Variants in LARS2 observed in about 807,000 individuals in gnomAD.
LARS2 encodes leucine--tRNA ligase, mitochondrial.
LARS2 carries 81 observed loss-of-function variants against 116.6 expected under a neutral mutation model. The ratio of observed to expected loss-of-function variants is 0.69; its 90% CI spans 0.58 to 0.84. The LOEUF (loss-of-function observed/expected upper bound fraction) is 0.84, where lower values mean the gene tolerates loss of function less well. Among genes scored for constraint, LARS2 ranks in the 40% least tolerant of loss-of-function variants. LARS2 has a pLI of 0.00. For synonymous variants in LARS2, 396 were observed against 407.2 expected, an observed-to-expected ratio of 0.97 and a Z score of 0.33; for missense variants, 968 against 1,114.5, an observed-to-expected ratio of 0.87 and a Z score of 1.87.
At chr3:45,534,624 AAAG>A (rs1463272729) in intron 20 of LARS2, among the ~76,000 whole-genome samples, 1 of 152,198 alleles carries the variant, frequency 6.6e-6, no homozygotes, top group East Asian at 1.9e-4. Flanking sequence ...GCTGATTTTC[AAAG>A]AAGTTCTCCC....
chr3:45,500,370 C>T, intron 14 of LARS2, 72 bp from the exon 15 acceptor site: 2 of 1,419,942 alleles, frequency 1.4e-6, no homozygotes, highest in Non-Finnish European at 1.9e-6. Flanking sequence ...ATGCATATTA[C>T]AATAGGCCTG....
chr3:45,536,581 G>A (rs1023029007), intron 20 of LARS2, among the ~76,000 whole-genome samples: 1 of 152,242 alleles, frequency 6.6e-6, no homozygotes, highest in African/African-American at 2.4e-5. Context: ...CTGCTCCTGG[G>A]GAGTGAACTC....
intron 14 of LARS2, 109 bp downstream of exon 14, chr3:45,496,482 T>C: frequency 1.2e-6 from 1 of 817,658 alleles, no homozygotes. Context: ...GGGAAATGCC[T>C]GTGCAGATTA....
chr3:45,418,911 G>T (rs28477090), intron 5 of LARS2, among the ~76,000 whole-genome samples: 1 of 152,232 alleles, frequency 6.6e-6, no homozygotes, highest in Non-Finnish European at 1.5e-5. Context: ...GATAGTCATA[G>T]TTCCTATCTC....
chr3:45,480,235 T>C (rs375021457), intron 10 of LARS2, among the ~76,000 whole-genome samples: 3 of 152,362 alleles, frequency 2.0e-5, no homozygotes, highest in African/African-American at 7.2e-5. Context: ...TTTGGACTTC[T>C]CAGAACCTTT....
intron 6 of LARS2, among the ~76,000 whole-genome samples, chr3:45,437,472 G>A (rs997399221): frequency 6.6e-6 from 1 of 152,212 alleles, no homozygotes; most frequent in African/African-American, 2.4e-5. Flanking sequence ...GGCAAAGATG[G>A]AATTTGACAG....
intron 4 of LARS2, among the ~76,000 whole-genome samples, chr3:45,413,281 G>C (rs1201424337): frequency 6.6e-6 from 1 of 152,232 alleles, no homozygotes; most frequent in African/African-American, 2.4e-5. Context: ...AAGAGATGGA[G>C]GCTGAAATTG....
chr3:45,501,301 C>T (rs189597990), intron 15 of LARS2, among the ~76,000 whole-genome samples: 2 of 150,678 alleles, frequency 1.3e-5, no homozygotes, highest in Admixed American at 6.7e-5. Context: ...TAGCTAATAC[C>T]GATCCCAGAT....
chr3:45,430,322 A>G (rs561982572), intron 6 of LARS2, among the ~76,000 whole-genome samples: 12 of 142,422 alleles, frequency 8.4e-5, no homozygotes, highest in Non-Finnish European at 1.4e-4. Flanking sequence ...TCTGTCGCCC[A>G]GGCTGGAGTA....
At chr3:45,515,979 G>A (rs1700363881) in intron 16 of LARS2, 115 bp from the exon 17 acceptor site, 1 of 733,780 alleles carries the variant, frequency 1.4e-6, no homozygotes, top group South Asian at 1.9e-5. Flanking sequence ...GAATTAGTGT[G>A]ATTCTTCAAA....
At chr3:45,438,962 A>G (rs1698855680) in intron 6 of LARS2, among the ~76,000 whole-genome samples, 2 of 152,096 alleles carry the variant, frequency 1.3e-5, no homozygotes, top group African/African-American at 4.8e-5. Context: ...TAGATACAAG[A>G]AGGGCTAATT....
At chr3:45,413,331 A>G (rs1188115373) in intron 4 of LARS2, among the ~76,000 whole-genome samples, 2 of 152,256 alleles carry the variant, frequency 1.3e-5, no homozygotes, top group Non-Finnish European at 2.9e-5. Flanking sequence ...GTGAGATGCT[A>G]AAGATCAAGA....
intron 4 of LARS2, among the ~76,000 whole-genome samples, chr3:45,402,186 T>G (rs972989445): frequency 1.3e-5 from 2 of 152,186 alleles, no homozygotes; most frequent in African/African-American, 4.8e-5. Flanking sequence ...CCTGCCCCAT[T>G]GGCCTGTTAA....
intron 21 of LARS2, among the ~76,000 whole-genome samples, chr3:45,544,092 G>T (rs545808840): frequency 6.6e-6 from 1 of 152,330 alleles, no homozygotes; most frequent in South Asian, 2.1e-4. Context: ...CTGGGTTCTC[G>T]CTCCATGTGA....
chr3:45,512,212 C>T (rs997581253), intron 15 of LARS2, among the ~76,000 whole-genome samples: 6 of 152,204 alleles, frequency 3.9e-5, no homozygotes, highest in African/African-American at 1.4e-4. Context: ...TTGTGGGGAA[C>T]ATCACTGGAT....
At chr3:45,546,445 T>C (rs986914632) in intron 21 of LARS2, among the ~76,000 whole-genome samples, 3 of 152,222 alleles carry the variant, frequency 2.0e-5, no homozygotes, top group African/African-American at 7.2e-5. Flanking sequence ...GTCCTCTCCC[T>C]GTGACCTAGG....
At chr3:45,518,352 G>T (rs527516867) in intron 18 of LARS2, among the ~76,000 whole-genome samples, 1 of 152,294 alleles carries the variant, frequency 6.6e-6, no homozygotes, top group African/African-American at 2.4e-5. Context: ...TCAGGAAGCT[G>T]CCACTTTCCA....
intron 11 of LARS2, among the ~76,000 whole-genome samples, chr3:45,487,573 G>A (rs1699837457): frequency 6.6e-6 from 1 of 152,084 alleles, no homozygotes; most frequent in Non-Finnish European, 1.5e-5. Flanking sequence ...CCTATAGCAG[G>A]GGTTCTCAAC....
At chr3:45,400,484 C>G in intron 4 of LARS2, 111 bp downstream of exon 4, 4 of 1,069,280 alleles carry the variant, frequency 3.7e-6, no homozygotes, top group Non-Finnish European at 5.2e-6. Context: ...AAGATTAGGA[C>G]AGCTTTGAAG....
Sources: allele counts gnomAD v4.1 joint callset (sites outside exome capture counted in the v4.1 genomes callset), GRCh38; gene constraint gnomAD v4.1.1; transcripts MANE v1.5; gene names NCBI Gene and HGNC (gene_info 2026-07-23, HGNC 2026-07-21).